The following TNFRSF21 variants were observed in gnomAD, a reference collection of about 807,000 sequenced individuals.
The protein encoded by TNFRSF21 is TNF receptor superfamily member 21.
TNFRSF21 carries 19 observed loss-of-function variants against 45.6 expected under a neutral mutation model. That is an observed-to-expected ratio of 0.42 (90% CI 0.29 to 0.61). TNFRSF21 has a LOEUF of 0.61. TNFRSF21 is among the 20% of genes least tolerant of loss of function. The probability of loss-of-function intolerance (pLI) is 0.23; values close to 1 mark genes in which losing one functional copy is unlikely to be tolerated. For missense variants in TNFRSF21, 737 were observed against 851.5 expected (o/e 0.87, Z 1.67); for synonymous variants, 314 against 335.5 (o/e 0.94, Z 0.70).
chr6:47,282,717 G>C (rs866717498), intron 3 of TNFRSF21, among the ~76,000 whole-genome samples: 1 of 152,112 alleles, frequency 6.6e-6, no homozygotes, highest in South Asian at 2.1e-4. Context: ...TGAGAGTTGG[G>C]ATTATATTCT....
rs907613008 is a variant in TNFRSF21 at position 47,284,371 on chromosome 6, G to C, written c.810C>G (p.Ile270Met). ...TGTTGTCAGGGACTGTCCCTTCCTG[G>C]ATGCTACTCAGTACCTTTGGTCTAA... Reference protein sequence around the residue: ...ASVRPKVLSSIQEGTVPDNTS... With the variant: ...ASVRPKVLSSMQEGTVPDNTS... Residue 270 changes from isoleucine (I) to methionine (M), a missense_variant, in exon 3 of 6, where the codon ATC (isoleucine) becomes ATG (methionine). Transcript: ENST00000296861. The C allele has an allele frequency of 6.4e-7, 1 of 1,553,022 alleles. No homozygotes were observed. The highest frequency in any genetic ancestry group is 1.3e-5 in the South Asian group (1 of 78,954).
chr6:47,269,195 A>G (rs1762377982), intron 3 of TNFRSF21, among the ~76,000 whole-genome samples: 1 of 151,804 alleles, frequency 6.6e-6, no homozygotes, highest in Admixed American at 6.6e-5. Context: ...ACTTACACAC[A>G]AACACACACA....
At chr6:47,265,839 AC>A (rs1354337741) in intron 3 of TNFRSF21, among the ~76,000 whole-genome samples, 1 of 152,166 alleles carries the variant, frequency 6.6e-6, no homozygotes, top group Non-Finnish European at 1.5e-5. Context: ...AGTAGCAAAC[AC>A]CCCATAAATT....
chr6:47,240,735 G>T (rs1278490425), intron 4 of TNFRSF21, among the ~76,000 whole-genome samples: 1 of 152,134 alleles, frequency 6.6e-6, no homozygotes, highest in Non-Finnish European at 1.5e-5. Context: ...GGGACTCAAT[G>T]GCAGACTTAC....
intron 5 of TNFRSF21, among the ~76,000 whole-genome samples, chr6:47,234,042 AGT>A (rs1462804089): frequency 1.3e-5 from 2 of 152,152 alleles, no homozygotes; most frequent in African/African-American, 4.8e-5. Flanking sequence ...CCCAGTCTGG[AGT>A]ACAGTGGCAC....
chr6:47,263,072 T>C (rs1315740967), intron 3 of TNFRSF21, among the ~76,000 whole-genome samples: 2 of 152,020 alleles, frequency 1.3e-5, no homozygotes, highest in African/African-American at 4.8e-5. Context: ...GTGGTGGCCA[T>C]GGAGGTGATG....
chr6:47,264,033 C>G (rs910685640), intron 3 of TNFRSF21, among the ~76,000 whole-genome samples: 2 of 152,186 alleles, frequency 1.3e-5, no homozygotes, highest in Admixed American at 1.3e-4. Flanking sequence ...CAGCAGAATT[C>G]CAGAAATTCC....
In TNFRSF21 at chr6:47,283,919, G is replaced by A. The variant is rs1762607060; in HGVS notation, c.1243+19C>T. 1 of 1,603,382 alleles carries A rather than the reference G, an allele frequency of 6.2e-7. No homozygotes were observed. Among genetic ancestry groups the A allele is most frequent in the Non-Finnish European group, 8.5e-7 (1 of 1,175,120 alleles). ...TGGTAGAGAGATCTGTGAGCAAGGA[G>A]AGAAGAGAGAAGGCTCACCATGGCC... On this transcript the variant is annotated intron_variant, in intron 3 of 5. Coordinates refer to ENST00000296861, the MANE Select transcript of TNFRSF21 (RefSeq NM_014452.5).
chr6:47,270,599 C>T (rs546680532), intron 3 of TNFRSF21, among the ~76,000 whole-genome samples: 55 of 152,280 alleles, frequency 3.6e-4, no homozygotes, highest in African/African-American at 1.2e-3. Context: ...AATCAGAGCG[C>T]ATCTTCTCCT....
Position 47,232,796 on chromosome 6 carries a change from G to C in TNFRSF21, c.1937C>G (p.Ser646Cys). 1 of 1,614,138 alleles carries C rather than the reference G, an allele frequency of 6.2e-7. No individual in the cohort carries two copies. The highest frequency in any genetic ancestry group is 1.1e-5 in the South Asian group (1 of 91,078). ...SQEASQTLLD[S>C]VYSHLPDLL Reference sequence around the variant, plus strand: ...CAGGTCAGGAAGATGGCTATAAACAGAGTCCAGGAGGGTCTGGCTGGCTTC... The same window carrying C: ...CAGGTCAGGAAGATGGCTATAAACACAGTCCAGGAGGGTCTGGCTGGCTTC... The change falls in exon 6 of 6, where the codon TCT (serine) becomes TGT (cysteine). Residue 646 changes from serine to cysteine, a missense_variant. By Grantham distance (112) the Ser-to-Cys change is moderately radical. Transcript: ENST00000296861.
chr6:47,260,047 A>C (rs1423949820), intron 3 of TNFRSF21, among the ~76,000 whole-genome samples: 3 of 152,214 alleles, frequency 2.0e-5, no homozygotes, highest in Admixed American at 2.0e-4. Flanking sequence ...CTAGGGTGGC[A>C]TATCAGTACA....
intron 3 of TNFRSF21, among the ~76,000 whole-genome samples, 171 bp from the exon 4 acceptor site, chr6:47,253,692 A>G (rs1005596910): frequency 2.0e-5 from 3 of 152,230 alleles, no homozygotes; most frequent in Non-Finnish European, 4.4e-5. Flanking sequence ...CATCTTGTGG[A>G]CTAGCTGGTA....
chr6:47,240,008 T>A (rs1303106389), intron 4 of TNFRSF21, among the ~76,000 whole-genome samples: 1 of 152,218 alleles, frequency 6.6e-6, no homozygotes, highest in Non-Finnish European at 1.5e-5. Context: ...AACTAATTAA[T>A]GACTTTGATG....
chr6:47,263,183 A>T (rs189813976), intron 3 of TNFRSF21, among the ~76,000 whole-genome samples: 1 of 152,280 alleles, frequency 6.6e-6, no homozygotes, highest in African/African-American at 2.4e-5. Flanking sequence ...GGAATCAAGG[A>T]TGCTAAGGTT....
chr6:47,290,826 C>A (rs1310562426), intron 1 of TNFRSF21, among the ~76,000 whole-genome samples: 1 of 152,150 alleles, frequency 6.6e-6, no homozygotes, highest in African/African-American at 2.4e-5. Context: ...ATTCACTGGA[C>A]AAATAATTAT....
intron 4 of TNFRSF21, among the ~76,000 whole-genome samples, chr6:47,245,859 T>A (rs1764817111): frequency 6.6e-6 from 1 of 152,156 alleles, no homozygotes; most frequent in Admixed American, 6.5e-5. Context: ...TGGGGAGGCT[T>A]CAGGAAACTT....
chr6:47,301,685 G>A (rs888201795), intron 1 of TNFRSF21, among the ~76,000 whole-genome samples: 2 of 151,954 alleles, frequency 1.3e-5, no homozygotes, highest in African/African-American at 4.8e-5. Context: ...CCTCTCTCTT[G>A]CTCCCTCTCT....
chr6:47,241,179 C>T (rs1268747707), intron 4 of TNFRSF21, among the ~76,000 whole-genome samples: 2 of 152,022 alleles, frequency 1.3e-5, no homozygotes, highest in African/African-American at 2.4e-5. Context: ...ATAAGAAATG[C>T]TTTCTTATTC....
At chr6:47,280,275 G>A (rs944033019) in intron 3 of TNFRSF21, among the ~76,000 whole-genome samples, 1 of 152,088 alleles carries the variant, frequency 6.6e-6, no homozygotes, top group Non-Finnish European at 1.5e-5. Flanking sequence ...AATTCAGTGT[G>A]AAATAGACAA....
Sources: allele counts gnomAD v4.1 joint callset (sites outside exome capture counted in the v4.1 genomes callset), GRCh38; gene constraint gnomAD v4.1.1; transcripts MANE v1.5; gene names NCBI Gene and HGNC (gene_info 2026-07-23, HGNC 2026-07-21).